SRRM1: variants seen among roughly 807,000 people sequenced by gnomAD.
SRRM1 encodes serine and arginine repetitive matrix 1.
A neutral mutation model predicts 110.2 loss-of-function variants in SRRM1; 19 were observed. The observed-to-expected ratio is 0.17, with a 90% CI of 0.12 to 0.25. The LOEUF (loss-of-function observed/expected upper bound fraction) is 0.25, where lower values mean the gene tolerates loss of function less well. SRRM1 is among the 10% of genes least tolerant of loss of function. The pLI is 1.00. For synonymous variants in SRRM1, 443 were observed against 414.9 expected (o/e 1.07, Z -0.82); for missense variants, 918 against 1,145.8 (o/e 0.80, Z 2.87).
intron 3 of SRRM1, chr1:24,647,682 G>A (rs1658357556): frequency 6.6e-6 from 1 of 152,614 alleles, no homozygotes; most frequent in Non-Finnish European, 1.5e-5. Flanking sequence ...TGACAGAACA[G>A]TTGGCATTTC....
Position 24,643,363 on chromosome 1 carries a change from G to C in SRRM1, c.21+16G>C. 1.3e-6 allele frequency: 2 copies of C among 1,547,962 alleles called. No homozygotes were observed. Among genetic ancestry groups the C allele is most frequent in the Non-Finnish European group, 1.7e-6 (2 of 1,152,856 alleles). On this transcript the variant is annotated intron_variant, in intron 1 of 16. Transcript: ENST00000323848. ...ATTTTTCCGCGTAAGTAGAAGCGCC[G>C]GGCGCCGGGGTGAGGCCAGGGACTT...
chr1:24,645,786 T>A (rs1570649358), intron 1 of SRRM1, among the ~76,000 whole-genome samples, 198 bp from the exon 2 acceptor site: 1 of 152,378 alleles, frequency 6.6e-6, no homozygotes, highest in Non-Finnish European at 1.5e-5. Context: ...GATGAACATA[T>A]ACTTGATAAT....
chr1:24,646,719 G>A lies in SRRM1; in HGVS notation c.164G>A (p.Arg55Lys). The A allele has an allele frequency of 6.2e-7, 1 of 1,608,806 alleles. No homozygotes were observed. Among genetic ancestry groups the A allele is most frequent in the Non-Finnish European group, 8.5e-7 (1 of 1,178,120 alleles). The part of the protein sequence containing the change: ...LEVIKPWITK[R>K]VTEILGFEDD... Reference sequence around the variant, plus strand: ...GTTATAAAGCCTTGGATAACAAAAAGAGTAACGGAAATCCTTGGGTTTGAA... The same window carrying A: ...GTTATAAAGCCTTGGATAACAAAAAAAGTAACGGAAATCCTTGGGTTTGAA... Residue 55 changes from arginine to lysine, a missense_variant, in exon 3 of 17, where the codon AGA becomes AAA. By Grantham distance (26) the Arg-to-Lys change is conservative. Transcript: ENST00000323848.
intron 6 of SRRM1, among the ~76,000 whole-genome samples, chr1:24,652,030 AT>A (rs1557670644): frequency 0.036 from 952 of 26,118 alleles, 12 homozygotes; most frequent in African/African-American, 0.26. Context: ...TGTACTAAAA[AT>A]ATATATATAT....
At chr1:24,643,552 C>T (rs1570599672) in intron 1 of SRRM1, 2 of 429,258 alleles carry the variant, frequency 4.7e-6, no homozygotes, top group South Asian at 1.5e-4. Flanking sequence ...CCGGAATGGT[C>T]CCCCCTACGC....
chr1:24,660,930 C>G, intron 10 of SRRM1, 131 bp downstream of exon 10: 1 of 580,124 alleles, frequency 1.7e-6, no homozygotes, highest in South Asian at 2.8e-5. Flanking sequence ...AGCTAAGACT[C>G]TGAAGGCAGA....
intron 13 of SRRM1, among the ~76,000 whole-genome samples, chr1:24,667,540 T>G (rs553524284): frequency 1.3e-5 from 2 of 152,318 alleles, no homozygotes; most frequent in South Asian, 4.1e-4. Flanking sequence ...AACCTCAGTC[T>G]TATTATTAGG....
chr1:24,649,130 T>G, intron 4 of SRRM1, 101 bp downstream of exon 4: 2 of 1,120,072 alleles, frequency 1.8e-6, no homozygotes, highest in South Asian at 2.8e-5. Context: ...TTCATGTAGT[T>G]TTGCTTTGCT....
chr1:24,648,394 C>T (rs1658691064), intron 3 of SRRM1: 1 of 152,700 alleles, frequency 6.5e-6, no homozygotes, highest in Non-Finnish European at 1.5e-5. Context: ...TGTTAGTTTT[C>T]ATAACTGGAC....
intron 12 of SRRM1, among the ~76,000 whole-genome samples, chr1:24,665,293 G>A (rs1404163476): frequency 2.6e-5 from 4 of 152,158 alleles, no homozygotes; most frequent in Admixed American, 6.5e-5. Flanking sequence ...GCCGGGCGTG[G>A]TGGCGCATGC....
At chr1:24,650,841 T>G (rs1358583065) in intron 5 of SRRM1, among the ~76,000 whole-genome samples, 2 of 152,238 alleles carry the variant, frequency 1.3e-5, no homozygotes, top group African/African-American at 4.8e-5. Flanking sequence ...TCTGCCATTT[T>G]CCTTCTGTGT....
At chr1:24,647,904 CTAAGTA>C (rs1422859529) in intron 3 of SRRM1, 1 of 152,108 alleles carries the variant, frequency 6.6e-6, no homozygotes, top group Admixed American at 6.5e-5. Flanking sequence ...TTTTAAAAAC[CTAAGTA>C]TCTGGTAGTA....
intron 3 of SRRM1, chr1:24,647,077 A>G: frequency 3.9e-6 from 1 of 255,138 alleles, no homozygotes; most frequent in Non-Finnish European, 7.5e-6. Context: ...ATGATTTAAA[A>G]GGCCTGAACC....
In SRRM1 at chr1:24,672,241, G is replaced by A. The variant is rs1288132820; in HGVS notation, c.2670G>A (p.Lys890=). Residue 890 remains lysine, a synonymous_variant, in exon 17 of 17, where the codon AAG becomes AAA. Coordinates refer to ENST00000323848, the MANE Select transcript of SRRM1 (RefSeq NM_005839.4). Reference sequence around the variant, plus strand: ...ATTTAGAAAAGCACCTGCGTGAAAAGGCCCTGAGATCAATGAGGAAGGCCC... The same window carrying A: ...ATTTAGAAAAGCACCTGCGTGAAAAAGCCCTGAGATCAATGAGGAAGGCCC... The part of the protein sequence containing the change: ...LDDLEKHLRE[K]ALRSMRKAQV... 3 of 1,610,550 alleles carry A rather than the reference G, an allele frequency of 1.9e-6. No homozygotes were observed. The South Asian group carries it at 3.3e-5, about 18-fold the overall frequency.
At chr1:24,661,496 T>TCCTCAG in intron 11 of SRRM1, 100 bp downstream of exon 11, 1 of 792,538 alleles carries the variant, frequency 1.3e-6, no homozygotes, top group Non-Finnish European at 1.9e-6. Context: ...CTTACTTGCC[T>TCCTCAG]ACATAGAAAT....
At chr1:24,651,332 A>G (rs1297339069) in intron 5 of SRRM1, 77 bp from the exon 6 acceptor site, 2 of 1,178,586 alleles carry the variant, frequency 1.7e-6, no homozygotes, top group Admixed American at 2.2e-5. Flanking sequence ...CTAAAGATTA[A>G]TCCTCACTTC....
chr1:24,649,236 G>C (rs1319290100), intron 4 of SRRM1, among the ~76,000 whole-genome samples: 1 of 152,170 alleles, frequency 6.6e-6, no homozygotes, highest in Admixed American at 6.5e-5. Flanking sequence ...TGATTTGCTA[G>C]ATTTTTACAA....
intron 1 of SRRM1, among the ~76,000 whole-genome samples, chr1:24,644,064 C>T (rs942736689): frequency 1.3e-5 from 2 of 152,164 alleles, no homozygotes; most frequent in South Asian, 4.1e-4. Context: ...TCAATTCCTT[C>T]CCGCCCTCCA....
chr1:24,672,146 C>G (rs772141866), intron 16 of SRRM1, 36 bp from the exon 17 acceptor site: 2 of 1,517,106 alleles, frequency 1.3e-6, no homozygotes, highest in Non-Finnish European at 1.8e-6. Context: ...CCACCAGGGT[C>G]TCAAGACTTA....
Sources: allele counts gnomAD v4.1 joint callset (sites outside exome capture counted in the v4.1 genomes callset), GRCh38; gene constraint gnomAD v4.1.1; transcripts MANE v1.5; gene names NCBI Gene and HGNC (gene_info 2026-07-23, HGNC 2026-07-21).